Variants in SCFD1 observed in about 807,000 individuals in gnomAD.
The protein encoded by SCFD1 is sec1 family domain-containing protein 1.
SCFD1 carries 37 observed loss-of-function variants against 103.2 expected under a neutral mutation model. The observed-to-expected ratio is 0.36, with a 90% CI of 0.28 to 0.47. The LOEUF (loss-of-function observed/expected upper bound fraction) is 0.47, where lower values mean the gene tolerates loss of function less well. SCFD1 is among the 20% of genes least tolerant of loss of function. The pLI is 1.00. For synonymous variants in SCFD1, 264 were observed against 245.0 expected (o/e 1.08, Z -0.73); for missense variants, 639 against 761.2 (o/e 0.84, Z 1.89).
chr14:30,649,604 C>T lies in SCFD1; in HGVS notation c.669+21C>T, dbSNP rs953435476. 13 of 1,543,632 alleles carry T rather than the reference C, an allele frequency of 8.4e-6. No homozygotes were observed. In the East Asian group the frequency reaches 9.7e-5, roughly 12 times the overall value. On this transcript the variant is annotated intron_variant, in intron 8 of 24. Transcript: ENST00000458591. ...CAGTGGTAAGTTCATGCGGATATCA[C>T]GTGGAGATAAATAACATTGTGTGAA...
chr14:30,682,380 G>A (rs1889558070), intron 14 of SCFD1, among the ~76,000 whole-genome samples: 1 of 152,130 alleles, frequency 6.6e-6, no homozygotes. Flanking sequence ...TCAGTCACTT[G>A]TATCATAGAA....
intron 7 of SCFD1, among the ~76,000 whole-genome samples, chr14:30,647,544 C>T (rs910404453): frequency 2.0e-5 from 3 of 151,972 alleles, no homozygotes; most frequent in African/African-American, 7.3e-5. Flanking sequence ...AAGAGTTAAC[C>T]CCTCCAGTTT....
At chr14:30,645,622 C>T (rs999460767) in intron 7 of SCFD1, among the ~76,000 whole-genome samples, 3 of 152,134 alleles carry the variant, frequency 2.0e-5, no homozygotes, top group Admixed American at 1.3e-4. Context: ...ATTTGGCTCT[C>T]AGCTTGGATA....
intron 3 of SCFD1, among the ~76,000 whole-genome samples, chr14:30,633,253 A>G (rs1884367038): frequency 1.3e-5 from 2 of 152,168 alleles, no homozygotes; most frequent in Non-Finnish European, 2.9e-5. Flanking sequence ...TTGATTATAG[A>G]AGGATGACTA....
In SCFD1 at chr14:30,650,619, A is replaced by G; in HGVS notation, c.724A>G (p.Thr242Ala). The G allele has an allele frequency of 1.2e-6, 2 of 1,608,932 alleles. No individual in the cohort carries two copies. Among genetic ancestry groups the G allele is most frequent in the South Asian group, 1.1e-5 (1 of 90,760 alleles). The change falls in exon 9 of 25, where the codon ACA (threonine) becomes GCA (alanine). Residue 242 changes from threonine (T) to alanine (A), a missense_variant. Thr to Ala is a moderately conservative substitution (Grantham distance 58, BLOSUM62 0). Transcript: ENST00000458591. Reference sequence around the variant, plus strand: ...AAGAGATGCAAGAAACAGTCTTTTTACAGGTGATACACTTGGAGCTGGCCA... The same window carrying G: ...AAGAGATGCAAGAAACAGTCTTTTTGCAGGTGATACACTTGGAGCTGGCCA... ...NLRDARNSLF[T>A]GDTLGAGQFS...
In SCFD1 at chr14:30,622,360, A is replaced by ACAGCAG. The variant is rs372043124; in HGVS notation, c.33_38dup (p.Ala12_Ala13dup). 1.2e-4 allele frequency: 193 copies of ACAGCAG among 1,564,978 alleles called. 1 individual carries two copies. Among genetic ancestry groups the ACAGCAG allele is most frequent in the Admixed American group, 6.1e-4 (32 of 52,606 alleles). On this transcript the variant is annotated inframe_insertion, in exon 1 of 25. Transcript: ENST00000458591. ...CAAGATGGCGGCGGCGGCGGCAGCG[A>ACAGCAG]CAGCAGCAGCAGCAGCCAGTATTCG...
chr14:30,677,827 C>CCTTTTTTTT (rs1889151642), intron 14 of SCFD1, among the ~76,000 whole-genome samples: 1 of 67,518 alleles, frequency 1.5e-5, no homozygotes, highest in African/African-American at 6.6e-5. Context: ...ACCTAAGCAC[C>CCTTTTTTTT]TTTTTTTTTT....
chr14:30,721,650 G>T, intron 21 of SCFD1: 2 of 498,038 alleles, frequency 4.0e-6, no homozygotes, highest in Non-Finnish European at 7.1e-6. Context: ...AAGTAATAGG[G>T]TTGACCCATT....
At chr14:30,704,790 G>T (rs1028093120) in intron 17 of SCFD1, among the ~76,000 whole-genome samples, 2 of 152,046 alleles carry the variant, frequency 1.3e-5, no homozygotes, top group Non-Finnish European at 2.9e-5. Context: ...ATACTGACTG[G>T]CATAAAATGT....
At chr14:30,668,245 C>T (rs1410068158) in intron 10 of SCFD1, among the ~76,000 whole-genome samples, 2 of 152,118 alleles carry the variant, frequency 1.3e-5, no homozygotes, top group African/African-American at 4.8e-5. Context: ...AATAACACCA[C>T]ACATCTGCAA....
At chr14:30,684,769 G>T (rs1395670906) in intron 14 of SCFD1, among the ~76,000 whole-genome samples, 21 of 100,582 alleles carry the variant, frequency 2.1e-4, no homozygotes, top group East Asian at 9.4e-4. Flanking sequence ...TATATTTAAA[G>T]TCTCCAACAC....
intron 7 of SCFD1, among the ~76,000 whole-genome samples, 172 bp from the exon 8 acceptor site, chr14:30,649,356 T>A (rs752324386): frequency 6.6e-6 from 1 of 152,128 alleles, no homozygotes; most frequent in Non-Finnish European, 1.5e-5. Flanking sequence ...CCTAAATATA[T>A]TTTTTAGTTT....
intron 6 of SCFD1, among the ~76,000 whole-genome samples, chr14:30,642,592 A>T (rs968660839): frequency 2.6e-5 from 4 of 152,346 alleles, no homozygotes; most frequent in South Asian, 2.1e-4. Flanking sequence ...ATATAAAGAA[A>T]ATGATATGCA....
intron 21 of SCFD1, among the ~76,000 whole-genome samples, chr14:30,720,134 C>G (rs1466318350): frequency 6.6e-6 from 1 of 152,126 alleles, no homozygotes; most frequent in Non-Finnish European, 1.5e-5. Flanking sequence ...TGAAAATAAT[C>G]TAGTCATTAG....
intron 1 of SCFD1, among the ~76,000 whole-genome samples, chr14:30,623,718 C>T (rs1185694314): frequency 1.3e-5 from 2 of 152,066 alleles, no homozygotes; most frequent in African/African-American, 2.4e-5. Context: ...AAAATCTAAT[C>T]GTTTGTATTT....
At chr14:30,627,538 G>A (rs1022851954) in intron 1 of SCFD1, among the ~76,000 whole-genome samples, 7 of 151,942 alleles carry the variant, frequency 4.6e-5, no homozygotes, top group African/African-American at 1.7e-4. Flanking sequence ...CCTGAGGTCG[G>A]GAGTTCTAGA....
chr14:30,726,250 A>T (rs541737267), intron 23 of SCFD1, among the ~76,000 whole-genome samples: 24 of 152,362 alleles, frequency 1.6e-4, no homozygotes, highest in African/African-American at 5.3e-4. Flanking sequence ...GTTCTTAATC[A>T]TGTACAAGCT....
chr14:30,631,764 G>A (rs978219875), intron 3 of SCFD1, among the ~76,000 whole-genome samples: 6 of 151,954 alleles, frequency 3.9e-5, no homozygotes, highest in Non-Finnish European at 7.4e-5. Flanking sequence ...TTGGAGAAGG[G>A]GCCAGGCACA....
intron 9 of SCFD1, among the ~76,000 whole-genome samples, chr14:30,652,834 C>T (rs75697684): frequency 0.014 from 2,124 of 151,924 alleles, 49 homozygotes; most frequent in African/African-American, 0.049. Context: ...TGGTTAGTTG[C>T]CCCGTCTCTA....
Sources: gnomAD v4.1 joint callset for allele counts (sites outside exome capture counted in the v4.1 genomes callset) on GRCh38, gnomAD v4.1.1 for gene constraint, MANE v1.5 for transcripts, NCBI Gene and HGNC (gene_info 2026-07-23, HGNC 2026-07-21) for gene names.